ROBO2: variants seen among roughly 807,000 people sequenced by gnomAD.
The protein encoded by ROBO2 is roundabout homolog 2.
ROBO2 carries 53 observed loss-of-function variants against 160.8 expected under a neutral mutation model. The ratio of observed to expected loss-of-function variants is 0.33; its 90% CI spans 0.26 to 0.41. ROBO2 has a LOEUF of 0.41. ROBO2 is among the 10% of genes least tolerant of loss of function. ROBO2 has a pLI of 1.00. For synonymous variants in ROBO2, 664 were observed against 611.7 expected, an observed-to-expected ratio of 1.09 and a Z score of -1.26; for missense variants, 1,577 against 1,722.4, an observed-to-expected ratio of 0.92 and a Z score of 1.49.
chr3:76,805,062 A>G (rs2064567686), intron 2 of ROBO2, among the ~76,000 whole-genome samples: 1 of 152,138 alleles, frequency 6.6e-6, no homozygotes, highest in South Asian at 2.1e-4. Context: ...TGTGTTTTAA[A>G]CATTTTCAAT....
intron 2 of ROBO2, among the ~76,000 whole-genome samples, chr3:76,128,827 TGTATGGTGC>T (rs1314254965): frequency 6.6e-6 from 1 of 152,124 alleles, no homozygotes; most frequent in Non-Finnish European, 1.5e-5. Context: ...CAAATGTAGA[TGTATGGTGC>T]TCCTTGGGAA....
intron 2 of ROBO2, among the ~76,000 whole-genome samples, chr3:76,217,811 A>G (rs947418855): frequency 6.6e-6 from 1 of 152,236 alleles, no homozygotes; most frequent in African/African-American, 2.4e-5. Context: ...ACCTCATTTT[A>G]TGAGGCCAGC....
intron 2 of ROBO2, among the ~76,000 whole-genome samples, chr3:76,688,447 G>A (rs1215324247): frequency 6.6e-6 from 1 of 151,920 alleles, no homozygotes; most frequent in African/African-American, 2.4e-5. Context: ...GTGATACTTT[G>A]TGTTTCAGAA....
At chr3:76,885,796 A>G (rs1207485728) in intron 2 of ROBO2, among the ~76,000 whole-genome samples, 1 of 152,134 alleles carries the variant, frequency 6.6e-6, no homozygotes, top group East Asian at 1.9e-4. Context: ...CTGATTTTGA[A>G]TGATTACATC....
At chr3:77,379,412 G>A (rs2073143256) in intron 2 of ROBO2, among the ~76,000 whole-genome samples, 1 of 151,906 alleles carries the variant, frequency 6.6e-6, no homozygotes, top group African/African-American at 2.4e-5. Flanking sequence ...AATGTAGGAA[G>A]TCTCTGTGAA....
At chr3:77,115,933 C>A (rs1333918708) in intron 2 of ROBO2, among the ~76,000 whole-genome samples, 1 of 152,104 alleles carries the variant, frequency 6.6e-6, no homozygotes, top group Non-Finnish European at 1.5e-5. Context: ...GACCCTGACC[C>A]CTTCGTGGCC....
chr3:76,355,610 A>G (rs1330111432), intron 2 of ROBO2, among the ~76,000 whole-genome samples: 1 of 151,768 alleles, frequency 6.6e-6, no homozygotes, highest in Non-Finnish European at 1.5e-5. Flanking sequence ...TATATCTAAC[A>G]CTGAAATTGG....
At chr3:76,282,431 G>T (rs1452900156) in intron 2 of ROBO2, among the ~76,000 whole-genome samples, 1 of 152,000 alleles carries the variant, frequency 6.6e-6, no homozygotes, top group Admixed American at 6.6e-5. Context: ...TCTGCTGAAT[G>T]AATTTAATGA....
chr3:76,034,308 G>C (rs2067028577), intron 2 of ROBO2, among the ~76,000 whole-genome samples: 1 of 152,186 alleles, frequency 6.6e-6, no homozygotes, highest in Non-Finnish European at 1.5e-5. Context: ...AGTTTTAAAA[G>C]TTTAAAATTT....
intron 1 of ROBO2, among the ~76,000 whole-genome samples, chr3:75,914,623 T>A (rs1281338898): frequency 6.6e-6 from 1 of 152,208 alleles, no homozygotes; most frequent in Non-Finnish European, 1.5e-5. Flanking sequence ...AAAGTAATTT[T>A]TGAAAAGGAC....
At chr3:75,908,845 T>C (rs535073939) in intron 1 of ROBO2, among the ~76,000 whole-genome samples, 1 of 152,276 alleles carries the variant, frequency 6.6e-6, no homozygotes, top group Non-Finnish European at 1.5e-5. Flanking sequence ...GAGACTCAAT[T>C]TTTACTAAGA....
At chr3:77,218,317 G>A (rs528605867) in intron 2 of ROBO2, among the ~76,000 whole-genome samples, 4 of 151,322 alleles carry the variant, frequency 2.6e-5, no homozygotes, top group South Asian at 2.1e-4. Flanking sequence ...AATTTTTCTC[G>A]ATCCTTAGGC....
intron 2 of ROBO2, among the ~76,000 whole-genome samples, chr3:76,931,548 A>AAGACACACACAC (rs1553696493): frequency 1.1e-5 from 1 of 93,660 alleles, no homozygotes; most frequent in Non-Finnish European, 2.4e-5. Flanking sequence ...TGTGCTTTAT[A>AAGACACACACAC]AGACACATAC....
chr3:77,182,826 G>T (rs901738446), intron 2 of ROBO2, among the ~76,000 whole-genome samples: 2 of 151,994 alleles, frequency 1.3e-5, no homozygotes, highest in Admixed American at 1.3e-4. Context: ...TAACTAGGTG[G>T]ATAAATGGTA....
intron 14 of ROBO2, among the ~76,000 whole-genome samples, chr3:77,576,145 A>G (rs879785931): frequency 1.3e-5 from 2 of 152,098 alleles, no homozygotes; most frequent in Non-Finnish European, 2.9e-5. Flanking sequence ...TAATAACTAC[A>G]AGGCTCGTAG....
chr3:76,055,150 A>G (rs943190345), intron 2 of ROBO2, among the ~76,000 whole-genome samples: 1 of 152,062 alleles, frequency 6.6e-6, no homozygotes, highest in Non-Finnish European at 1.5e-5. Context: ...AAACCATCAG[A>G]TCTCATGAGA....
chr3:76,825,839 C>T (rs1559562036), intron 2 of ROBO2, among the ~76,000 whole-genome samples: 1 of 151,906 alleles, frequency 6.6e-6, no homozygotes, highest in Non-Finnish European at 1.5e-5. Context: ...CTTAACGTAA[C>T]AGATTCCTAA....
intron 2 of ROBO2, among the ~76,000 whole-genome samples, chr3:76,222,377 G>C (rs1211181840): frequency 6.6e-6 from 1 of 152,144 alleles, no homozygotes; most frequent in Non-Finnish European, 1.5e-5. Flanking sequence ...ACTTGGAAGA[G>C]GGCCAAGTGG....
chr3:77,198,401 T>A (rs2082504410), intron 2 of ROBO2, among the ~76,000 whole-genome samples: 1 of 152,100 alleles, frequency 6.6e-6, no homozygotes, highest in Admixed American at 6.5e-5. Context: ...TTAAACTTCC[T>A]GAGATGAAAA....
Sources: gnomAD v4.1 joint callset for allele counts (sites outside exome capture counted in the v4.1 genomes callset) on GRCh38, gnomAD v4.1.1 for gene constraint, MANE v1.5 for transcripts, NCBI Gene and HGNC (gene_info 2026-07-23, HGNC 2026-07-21) for gene names.